The following ANKRD49 variants were observed in gnomAD, a reference collection of about 807,000 sequenced individuals.
ANKRD49 encodes ankyrin repeat domain 49.
ANKRD49 carries 18 observed loss-of-function variants against 19.6 expected under a neutral mutation model. That is an observed-to-expected ratio of 0.92 (90% confidence interval 0.63 to 1.36). ANKRD49 has a LOEUF of 1.36. Among genes scored for constraint, ANKRD49 ranks in the 40% most tolerant of loss-of-function variants. The probability of loss-of-function intolerance (pLI) is 0.00; values close to 1 mark genes in which losing one functional copy is unlikely to be tolerated. For missense variants in ANKRD49, 218 were observed against 281.6 expected, an observed-to-expected ratio of 0.77 and a Z score of 1.62; for synonymous variants, 88 against 101.8, an observed-to-expected ratio of 0.86 and a Z score of 0.82.
intron 2 of ANKRD49, 45 bp from the exon 3 acceptor site, chr11:94,498,025 GT>G (rs1947441126): frequency 7.0e-7 from 1 of 1,430,598 alleles, no homozygotes; most frequent in East Asian, 2.3e-5. Context: ...TTTAGTTATT[GT>G]TTTGGTTTGA....
At chr11:94,495,761 T>A (rs971122153) in intron 1 of ANKRD49, among the ~76,000 whole-genome samples, 1 of 152,196 alleles carries the variant, frequency 6.6e-6, no homozygotes, top group Admixed American at 6.5e-5. Flanking sequence ...GAACCTCCTG[T>A]ATACTCATGG....
In ANKRD49 at chr11:94,498,404, C is replaced by T. The variant is rs765714540; in HGVS notation, c.592C>T (p.Arg198Cys). The change falls in exon 3 of 3, where the codon CGT becomes TGT. Residue 198 changes from arginine to cysteine, a missense_variant. Physicochemically the swap from Arg to Cys is radical, Grantham distance 180 (BLOSUM62 -3). Coordinates refer to ENST00000544612, the MANE Select transcript of ANKRD49 (RefSeq NM_017704.3). ...TACCCTAGAACTCCTCCTGATGAACCGTTACGTCAAACCAGGGCTGAAAAA... is the reference window on the plus strand; with the variant it reads ...TACCCTAGAACTCCTCCTGATGAACTGTTACGTCAAACCAGGGCTGAAAAA... ...KDTLELLLMN[R>C]YVKPGLKNNL... The T allele has an allele frequency of 7.4e-6, 12 of 1,613,432 alleles. No individual in the cohort carries two copies. Among genetic ancestry groups the T allele is most frequent in the Admixed American group, 6.7e-5 (4 of 60,012 alleles).
Position 94,496,798 on chromosome 11 carries a change from C to A in ANKRD49, c.105C>A (p.His35Gln). Residue 35 changes from histidine to glutamine, a missense_variant, in exon 2 of 3, where the codon CAC (histidine) becomes CAA (glutamine). Physicochemically the swap from His to Gln is conservative, Grantham distance 24. Transcript: ENST00000544612. ...TTGAATTGTTGGAAACACATGGACACCTTATTCCTACTGGTACTCAAAGTC... is the reference window on the plus strand; with the variant it reads ...TTGAATTGTTGGAAACACATGGACAACTTATTCCTACTGGTACTCAAAGTC... ...NQLELLETHG[H>Q]LIPTGTQSLW... 1 of 1,613,978 alleles carries A rather than the reference C, an allele frequency of 6.2e-7. No homozygotes were observed. Among genetic ancestry groups the A allele is most frequent in the Non-Finnish European group, 8.5e-7 (1 of 1,179,962 alleles).
chr11:94,496,019 C>G (rs1947413568), intron 1 of ANKRD49, among the ~76,000 whole-genome samples: 1 of 152,164 alleles, frequency 6.6e-6, no homozygotes, highest in African/African-American at 2.4e-5. Context: ...AGTTGCCTAT[C>G]AATAAACAGG....
rs1046654 is a variant in ANKRD49 at position 94,498,681 on chromosome 11, G to A, written c.*149G>A. 76,303 of 677,896 alleles carry A rather than the reference G, an allele frequency of 0.11. 4,881 individuals are homozygous for A. Among genetic ancestry groups the A allele is most frequent in the East Asian group, 0.16 (5,854 of 36,692 alleles). 42.0% of individuals were successfully genotyped at this position (677,896 alleles called of 1,614,324 possible). A position where few individuals can be genotyped will look rare whatever the true frequency, so the allele number is the denominator to read the frequency against. On this transcript the variant is annotated 3_prime_UTR_variant, in exon 3 of 3. Coordinates refer to ENST00000544612, the MANE Select transcript of ANKRD49 (RefSeq NM_017704.3). ...TCTTCCAAGTGAATTGCCTGACTTT[G>A]ATGTCAAAATGTATTTGAAAGTAAT...
chr11:94,498,085 G>A lies in ANKRD49; in HGVS notation c.273G>A (p.Arg91=), dbSNP rs751082496. ...AAEKNRLTTV[R]RLLSEKATHV... ...TTTCTTCTCAGCTTACCACAGTGCG[G>A]AGACTCCTTTCTGAAAAGGCCACTC... The change falls in exon 3 of 3, where the codon CGG becomes CGA. Residue 91 remains arginine (R), a synonymous_variant. Coordinates refer to ENST00000544612, the MANE Select transcript of ANKRD49 (RefSeq NM_017704.3). The A allele has an allele frequency of 1.2e-6, 2 of 1,610,034 alleles. No homozygotes were observed. Among genetic ancestry groups the A allele is most frequent in the Middle Eastern group, 1.7e-4 (1 of 5,982 alleles).
chr11:94,496,270 A>G (rs2135160513), intron 1 of ANKRD49, among the ~76,000 whole-genome samples: 1 of 152,288 alleles, frequency 6.6e-6, no homozygotes. Flanking sequence ...TCTTGAATGC[A>G]CCTGTCTTCA....
chr11:94,494,027 T>G lies in ANKRD49; in HGVS notation c.-99T>G, dbSNP rs1947369018. ...TGAGATGCAAGGCGGCGATTTTCCCTTCTGTCAGGTGGGTTGTTATTCCCT... is the reference window on the plus strand; with the variant it reads ...TGAGATGCAAGGCGGCGATTTTCCCGTCTGTCAGGTGGGTTGTTATTCCCT... On this transcript the variant is annotated 5_prime_UTR_variant, in exon 1 of 3. Transcript: ENST00000544612. 1 of 152,354 alleles carries G rather than the reference T, an allele frequency of 6.6e-6. No homozygotes were observed. The highest frequency in any genetic ancestry group is 1.5e-5 in the Non-Finnish European group (1 of 68,174). 9.4% of individuals were successfully genotyped at this position (152,354 alleles called of 1,614,324 possible).
In ANKRD49 at chr11:94,498,666, G is replaced by C; in HGVS notation, c.*134G>C. On this transcript the variant is annotated 3_prime_UTR_variant, in exon 3 of 3. Coordinates refer to ENST00000544612, the MANE Select transcript of ANKRD49 (RefSeq NM_017704.3). ...CATTCATTATAACATTCTTCCAAGTGAATTGCCTGACTTTGATGTCAAAAT... is the reference window on the plus strand; with the variant it reads ...CATTCATTATAACATTCTTCCAAGTCAATTGCCTGACTTTGATGTCAAAAT... The C allele has an allele frequency of 1.3e-6, 1 of 743,704 alleles. No individual in the cohort carries two copies. The highest frequency in any genetic ancestry group is 2.7e-5 in the East Asian group (1 of 37,508). 46.1% of individuals were successfully genotyped at this position (743,704 alleles called of 1,614,324 possible). A position where few individuals can be genotyped will look rare whatever the true frequency, so the allele number is the denominator to read the frequency against.
At chr11:94,495,182 C>G (rs1222141282) in intron 1 of ANKRD49, among the ~76,000 whole-genome samples, 1 of 152,026 alleles carries the variant, frequency 6.6e-6, no homozygotes, top group Non-Finnish European at 1.5e-5. Flanking sequence ...AGTTTAATAC[C>G]ACATTAAGAT....
At chr11:94,497,303 A>G (rs1219552478) in intron 2 of ANKRD49, 3 of 427,346 alleles carry the variant, frequency 7.0e-6, no homozygotes, top group Non-Finnish European at 1.2e-5. Context: ...ATGTATCCCT[A>G]TAAGTAATAT....
intron 1 of ANKRD49, among the ~76,000 whole-genome samples, chr11:94,495,619 A>G (rs1947406885): frequency 6.6e-6 from 1 of 152,166 alleles, no homozygotes; most frequent in Admixed American, 6.5e-5. Flanking sequence ...CTTTTCTTTA[A>G]TTGATTAAGG....
At chr11:94,495,173 G>C (rs1358813680) in intron 1 of ANKRD49, among the ~76,000 whole-genome samples, 1 of 152,130 alleles carries the variant, frequency 6.6e-6, no homozygotes, top group African/African-American at 2.4e-5. Flanking sequence ...TAGTAATAAA[G>C]TTTAATACCA....
rs765096802 is a variant in ANKRD49, at chr11:94,498,872, T to C, written c.*340T>C. ...AAATATCCCACATCCTGGATCTTTG[T>C]TGGGTATTTAGTATATTGACATATA... On this transcript the variant is annotated 3_prime_UTR_variant, in exon 3 of 3. Coordinates refer to ENST00000544612, the MANE Select transcript of ANKRD49 (RefSeq NM_017704.3). 5.3e-5 allele frequency: 14 copies of C among 263,188 alleles called. No individual in the cohort carries two copies. Among genetic ancestry groups the C allele is most frequent in the Non-Finnish European group, 8.7e-5 (12 of 137,544 alleles). 16.3% of individuals were successfully genotyped at this position (263,188 alleles called of 1,614,324 possible). A position where few individuals can be genotyped will look rare whatever the true frequency, so the allele number is the denominator to read the frequency against.
rs180922958 is a variant in ANKRD49, at chr11:94,496,901, A to G, written c.208A>G (p.Met70Val). The G allele has an allele frequency of 6.8e-6, 11 of 1,613,876 alleles. No homozygotes were observed. In the East Asian group the frequency reaches 2.5e-4, roughly 36 times the overall value. Residue 70 changes from methionine to valine, a missense_variant, in exon 2 of 3, where the codon ATG becomes GTG. Physicochemically the swap from Met to Val is conservative, Grantham distance 21 (BLOSUM62 1). Coordinates refer to ENST00000544612, the MANE Select transcript of ANKRD49 (RefSeq NM_017704.3). ...EEWYRLQEKK[M>V]EKDPSRLLLW... ...GTGGTATCGATTGCAAGAAAAAAAA[A>G]TGGAAAAAGACCCAAGCAGATTGCT...
intron 1 of ANKRD49, among the ~76,000 whole-genome samples, chr11:94,495,825 T>C (rs1179395465): frequency 1.3e-5 from 2 of 152,096 alleles, no homozygotes; most frequent in Non-Finnish European, 2.9e-5. Context: ...GCCAGACACA[T>C]GATGTCTTTG....
chr11:94,498,062 T>C lies in ANKRD49; in HGVS notation c.259-9T>C. On this transcript the variant is annotated splice_polypyrimidine_tract_variant and intron_variant, in intron 2 of 2. Coordinates refer to ENST00000544612, the MANE Select transcript of ANKRD49 (RefSeq NM_017704.3). Reference sequence around the variant, plus strand: ...GTTGAGTTGAAAGATTTCTTTTTTTTCTTCTCAGCTTACCACAGTGCGGAG... The same window carrying C: ...GTTGAGTTGAAAGATTTCTTTTTTTCCTTCTCAGCTTACCACAGTGCGGAG... The C allele has an allele frequency of 2.6e-6, 4 of 1,547,462 alleles. No individual in the cohort carries two copies. The highest frequency in any genetic ancestry group is 3.5e-6 in the Non-Finnish European group (4 of 1,148,680).
intron 2 of ANKRD49, chr11:94,497,434 TAA>T: frequency 5.5e-6 from 1 of 183,320 alleles, no homozygotes; most frequent in Non-Finnish European, 1.1e-5. Flanking sequence ...CTCATTTTAC[TAA>T]GTTTCCCCAT....
Position 94,498,569 on chromosome 11 carries a change from T to A in ANKRD49, c.*37T>A. 2.0e-6 allele frequency: 3 copies of A among 1,527,240 alleles called. No individual in the cohort carries two copies. Among genetic ancestry groups the A allele is most frequent in the Non-Finnish European group, 2.7e-6 (3 of 1,119,894 alleles). 94.6% of individuals were successfully genotyped at this position (1,527,240 alleles called of 1,614,324 possible). A position where few individuals can be genotyped will look rare whatever the true frequency, so the allele number is the denominator to read the frequency against. On this transcript the variant is annotated 3_prime_UTR_variant, in exon 3 of 3. Coordinates refer to ENST00000544612, the MANE Select transcript of ANKRD49 (RefSeq NM_017704.3). ...ATTTTCCTAAGTTTCTAAATACCAG[T>A]GCCTCCTGTGTGTGAGATGTATTCC...
Sources: gnomAD v4.1 joint callset for allele counts (sites outside exome capture counted in the v4.1 genomes callset) on GRCh38, gnomAD v4.1.1 for gene constraint, MANE v1.5 for transcripts, NCBI Gene and HGNC (gene_info 2026-07-23, HGNC 2026-07-21) for gene names.